The following ZNF511 variants were observed in gnomAD, a reference collection of about 807,000 sequenced individuals.
ZNF511 encodes zinc finger protein 511.
ZNF511 carries 26 observed loss-of-function variants against 24.8 expected under a neutral mutation model. The ratio of observed to expected loss-of-function variants is 1.05; its 90% CI spans 0.77 to 1.46. The LOEUF (loss-of-function observed/expected upper bound fraction) is 1.46, where lower values mean the gene tolerates loss of function less well. ZNF511 is among the 40% of genes most tolerant of loss of function. The pLI is 0.00. For synonymous variants in ZNF511, 144 were observed against 139.6 expected (o/e 1.03, Z -0.22); for missense variants, 358 against 345.0 (o/e 1.04, Z -0.30).
chr10:133,310,097 T>G, intron 3 of ZNF511, 67 bp from the exon 4 acceptor site: 2 of 1,611,534 alleles, frequency 1.2e-6, no homozygotes, highest in South Asian at 1.1e-5. Flanking sequence ...TTGGCAGCTC[T>G]GCTACGGGGG....
At chr10:133,312,521 AGT>A in intron 5 of ZNF511, 1 of 1,349,700 alleles carries the variant, frequency 7.4e-7, no homozygotes, top group Non-Finnish European at 9.5e-7. Context: ...GGTAGCAGGA[AGT>A]CTCAGCCCCA....
At chr10:133,310,326 A>T in intron 4 of ZNF511, 38 bp downstream of exon 4, 2 of 1,611,402 alleles carry the variant, frequency 1.2e-6, no homozygotes, top group South Asian at 2.2e-5. Context: ...TCTGCTTTTG[A>T]TTTTAGGAAA....
At position 133,312,968 on chromosome 10, in the gene ZNF511, C is replaced by G; in HGVS notation, c.*102C>G. 1 of 1,579,070 alleles carries G rather than the reference C, an allele frequency of 6.3e-7. No homozygotes were observed. Among genetic ancestry groups the G allele is most frequent in the Non-Finnish European group, 8.6e-7 (1 of 1,164,000 alleles). ...GGTGTGGCCGCCCTGGGGGCCAGGC[C>G]CTCGCCATCCTCCCCATCCTTGTTC... On this transcript the variant is annotated 3_prime_UTR_variant, in exon 6 of 6. Coordinates refer to ENST00000361518, the MANE Select transcript of ZNF511 (RefSeq NM_145806.4).
At chr10:133,310,803 A>C (rs1847974402) in intron 4 of ZNF511, among the ~76,000 whole-genome samples, 1 of 151,178 alleles carries the variant, frequency 6.6e-6, no homozygotes, top group Non-Finnish European at 1.5e-5. Flanking sequence ...TTCCAGGAAC[A>C]ATCTTTTTTT....
chr10:133,312,755 A>G (rs1453549970), intron 5 of ZNF511, 33 bp from the exon 6 acceptor site: 2 of 1,614,110 alleles, frequency 1.2e-6, no homozygotes, highest in South Asian at 2.2e-5. Flanking sequence ...GTTGGCAAAT[A>G]CAGCATCTAA....
intron 4 of ZNF511, chr10:133,310,640 G>T (rs1293097681): frequency 6.3e-6 from 2 of 315,254 alleles, no homozygotes; most frequent in Admixed American, 4.7e-5. Flanking sequence ...CACACCCCTC[G>T]GGGCCGTGTC....
chr10:133,311,996 A>G lies in ZNF511; in HGVS notation c.680+155A>G, dbSNP rs1187524900. 7 of 1,602,990 alleles carry G rather than the reference A, an allele frequency of 4.4e-6. 1 individual carries two copies. The South Asian group carries it at 7.7e-5, about 18-fold the overall frequency. On this transcript the variant is annotated intron_variant, in intron 5 of 5. Coordinates refer to ENST00000361518, the MANE Select transcript of ZNF511 (RefSeq NM_145806.4). ...TTCCGCCAGAGAAGAAAGTCCAGAT[A>G]TCTCAGGTCCTGTGAATAACTTAGT...
chr10:133,309,386 G>T lies in ZNF511; in HGVS notation c.154-4G>T, dbSNP rs1171845853. On this transcript the variant is annotated splice_polypyrimidine_tract_variant and splice_region_variant and intron_variant, in intron 1 of 5. Coordinates refer to ENST00000361518, the MANE Select transcript of ZNF511 (RefSeq NM_145806.4). ...GCCCCGCCCACGGCGCACTTTTCCT[G>T]CAGGATGGGGACGTGCAGCGCCACC... The T allele has an allele frequency of 6.2e-7, 1 of 1,610,794 alleles. No individual in the cohort carries two copies. The highest frequency in any genetic ancestry group is 8.5e-7 in the Non-Finnish European group (1 of 1,179,184).
intron 4 of ZNF511, 49 bp from the exon 5 acceptor site, chr10:133,311,667 G>T: frequency 6.7e-7 from 1 of 1,490,998 alleles, no homozygotes; most frequent in Non-Finnish European, 9.2e-7. Context: ...GGGAACACAG[G>T]GGCTGTGGGA....
intron 5 of ZNF511, 54 bp from the exon 6 acceptor site, chr10:133,312,734 C>G: frequency 6.2e-7 from 1 of 1,613,514 alleles, no homozygotes; most frequent in African/African-American, 1.3e-5. Flanking sequence ...CTGTTATGAC[C>G]TGGGTTGTTG....
intron 4 of ZNF511, chr10:133,310,670 G>C (rs944358143): frequency 3.9e-6 from 1 of 256,136 alleles, no homozygotes; most frequent in African/African-American, 2.2e-5. Flanking sequence ...TGCAGCCGTC[G>C]GCCGTGCTCA....
At chr10:133,309,221 G>A (rs1847924317) in intron 1 of ZNF511, 125 bp downstream of exon 1, 5 of 993,976 alleles carry the variant, frequency 5.0e-6, no homozygotes, top group Non-Finnish European at 5.2e-6. Context: ...CCTGGGACAG[G>A]CGGGACCTGA....
At position 133,310,431 on chromosome 10, in the gene ZNF511, TG is replaced by T. The variant is rs974006788; in HGVS notation, c.554+145del. Reference sequence around the variant, plus strand: ...GTTCACCTGCAGGTACCTGAAGCCCTGGCAACACAGCTACAGGTGGTTGTGC... The same window carrying T: ...GTTCACCTGCAGGTACCTGAAGCCCTGCAACACAGCTACAGGTGGTTGTGC... On this transcript the variant is annotated intron_variant, in intron 4 of 5. Transcript: ENST00000361518. 8.8e-5 allele frequency: 94 copies of T among 1,062,606 alleles called. No homozygotes were observed. The Admixed American group carries it at 2.0e-3, about 23-fold the overall frequency. The allele number at this position is 1,062,606 out of a possible 1,614,324, so 65.8% of individuals were successfully genotyped here.
Position 133,313,122 on chromosome 10 carries a change from A to G in ZNF511, c.*256A>G, listed in dbSNP as rs1284063087. The G allele has an allele frequency of 1.3e-6, 1 of 790,904 alleles. No individual in the cohort carries two copies. Among genetic ancestry groups the G allele is most frequent in the Non-Finnish European group, 1.8e-6 (1 of 543,716 alleles). 49.0% of individuals were successfully genotyped at this position (790,904 alleles called of 1,614,324 possible). A position where few individuals can be genotyped will look rare whatever the true frequency, so the allele number is the denominator to read the frequency against. The stretch of plus-strand genomic sequence containing the variant: ...CTCCTCCTGCAGGGCCCACCCTAAG[A>G]ATGTATTTTTAAACACATGAAATAA... On this transcript the variant is annotated 3_prime_UTR_variant, in exon 6 of 6. Transcript: ENST00000361518.
At chr10:133,312,552 G>T in intron 5 of ZNF511, 2 of 1,397,542 alleles carry the variant, frequency 1.4e-6, no homozygotes, top group Non-Finnish European at 1.9e-6. Flanking sequence ...GGCAGGAGCC[G>T]CCCTCTCTGC....
chr10:133,310,379 A>G (rs937425786), intron 4 of ZNF511, 91 bp downstream of exon 4: 19 of 1,532,648 alleles, frequency 1.2e-5, no homozygotes, highest in African/African-American at 1.2e-4. Flanking sequence ...CAGACTTATT[A>G]AGCACTTGTG....
Position 133,309,347 on chromosome 10 carries a change from C to T in ZNF511, c.154-43C>T, listed in dbSNP as rs1158953308. ...GGCGAGGCCTGACGCGGTGGGCGTG[C>T]CGCGAGTCACCTGGCCCCGCCCACG... On this transcript the variant is annotated intron_variant, in intron 1 of 5. Coordinates refer to ENST00000361518, the MANE Select transcript of ZNF511 (RefSeq NM_145806.4). 6 of 1,590,050 alleles carry T rather than the reference C, an allele frequency of 3.8e-6. No homozygotes were observed. In the South Asian group the frequency reaches 5.6e-5, roughly 15 times the overall value.
intron 4 of ZNF511, among the ~76,000 whole-genome samples, chr10:133,311,066 T>C (rs1847980293): frequency 6.6e-6 from 1 of 152,248 alleles, no homozygotes; most frequent in Admixed American, 6.5e-5. Context: ...CCTCCCAAAG[T>C]GCTGAGATTG....
chr10:133,308,936 C>T lies in ZNF511; in HGVS notation c.-8C>T. The T allele has an allele frequency of 1.6e-6, 2 of 1,223,670 alleles. No individual in the cohort carries two copies. Among genetic ancestry groups the T allele is most frequent in the Non-Finnish European group, 1.0e-6 (1 of 977,638 alleles). 75.8% of individuals were successfully genotyped at this position (1,223,670 alleles called of 1,614,324 possible). A position where few individuals can be genotyped will look rare whatever the true frequency, so the allele number is the denominator to read the frequency against. On this transcript the variant is annotated 5_prime_UTR_variant, in exon 1 of 6. Coordinates refer to ENST00000361518, the MANE Select transcript of ZNF511 (RefSeq NM_145806.4). ...GCCGACAGGCTGCGCCCGCCCGCGC[C>T]CGGGGTGATGCAGTTGCCCCCCGCG...
Sources: allele counts gnomAD v4.1 joint callset (sites outside exome capture counted in the v4.1 genomes callset), GRCh38; gene constraint gnomAD v4.1.1; transcripts MANE v1.5; gene names NCBI Gene and HGNC (gene_info 2026-07-23, HGNC 2026-07-21).